The following FAT3 variants were observed in gnomAD, a reference collection of about 807,000 sequenced individuals.
FAT3 encodes protocadherin Fat 3.
A neutral mutation model predicts 310.2 loss-of-function variants in FAT3; 95 were observed. The observed-to-expected ratio is 0.31, with a 90% CI of 0.26 to 0.36. The LOEUF is 0.36. FAT3 is among the 10% of genes least tolerant of loss of function. FAT3 has a pLI of 1.00. For synonymous variants in FAT3, 2,314 were observed against 2,192.9 expected (o/e 1.06, Z -1.54); for missense variants, 5,408 against 5,715.6 (o/e 0.95, Z 1.74).
At chr11:92,561,888 A>C (rs1157204513) in intron 3 of FAT3, among the ~76,000 whole-genome samples, 1 of 152,090 alleles carries the variant, frequency 6.6e-6, no homozygotes, top group Non-Finnish European at 1.5e-5. Context: ...AGCCTCCCAA[A>C]GTGCTGGGAT....
intron 2 of FAT3, among the ~76,000 whole-genome samples, chr11:92,367,945 G>A (rs1565262822): frequency 6.6e-6 from 1 of 152,204 alleles, no homozygotes; most frequent in Non-Finnish European, 1.5e-5. Context: ...TATTGCGAAT[G>A]CCTGCTTTGA....
At chr11:92,358,074 G>A (rs2134660786) in intron 2 of FAT3, among the ~76,000 whole-genome samples, 1 of 151,988 alleles carries the variant, frequency 6.6e-6, no homozygotes, top group African/African-American at 2.4e-5. Context: ...TCAGGAAGCT[G>A]AGGCAGGAAG....
Position 92,724,475 on chromosome 11 carries a change from T to C in FAT3, c.3669+27030T>C, listed in dbSNP as rs557740693. Reference sequence around the variant, plus strand: ...TGATAGGAGGAGCTGCAAGATTTGATGGATATTTTTAGAGTCAATTTCATA... The same window carrying C: ...TGATAGGAGGAGCTGCAAGATTTGACGGATATTTTTAGAGTCAATTTCATA... On this transcript the variant is annotated intron_variant, in intron 4 of 27. Coordinates refer to ENST00000525166, the MANE Select transcript of FAT3 (RefSeq NM_001367949.2). 7.2e-4 allele frequency among the ~76,000 whole-genome samples: 109 copies of C among 152,330 alleles called. 1 individual carries two copies. The highest frequency in any genetic ancestry group is 1.0e-3 in the Non-Finnish European group (70 of 68,020).
Position 92,632,752 on chromosome 11 carries a change from TG to T in FAT3, c.3608-64630del, listed in dbSNP as rs537719049. Among the ~76,000 whole-genome samples the T allele has an allele frequency of 3.9e-5, 6 of 152,324 alleles. No homozygotes were observed. In the East Asian group the frequency reaches 9.7e-4, roughly 25 times the overall value. ...ATGGCAGGAGGCAGAGAGGCATTGATGGAATTCCACCTTCTGGCTAGTAAAT... is the reference window on the plus strand; with the variant it reads ...ATGGCAGGAGGCAGAGAGGCATTGATGAATTCCACCTTCTGGCTAGTAAAT... On this transcript the variant is annotated intron_variant, in intron 3 of 27. Transcript: ENST00000525166.
chr11:92,781,131 G>A (rs1193936937), intron 7 of FAT3, among the ~76,000 whole-genome samples: 1 of 134,080 alleles, frequency 7.5e-6, no homozygotes, highest in Non-Finnish European at 1.5e-5. Flanking sequence ...CTGGAGTACA[G>A]TGGCACAATC....
chr11:92,567,951 C>A (rs941103433), intron 3 of FAT3, among the ~76,000 whole-genome samples: 15 of 151,972 alleles, frequency 9.9e-5, no homozygotes, highest in African/African-American at 3.6e-4. Flanking sequence ...AGATGATGAG[C>A]TAGTGGGTGC....
At chr11:92,480,855 T>C (rs1238783161) in intron 2 of FAT3, among the ~76,000 whole-genome samples, 8 of 152,180 alleles carry the variant, frequency 5.3e-5, no homozygotes, top group African/African-American at 1.9e-4. Context: ...GAAGTTATGA[T>C]TTCATGAATG....
At chr11:92,497,803 C>T (rs1952809289) in intron 2 of FAT3, among the ~76,000 whole-genome samples, 1 of 151,950 alleles carries the variant, frequency 6.6e-6, no homozygotes, top group Non-Finnish European at 1.5e-5. Context: ...TCTCTACAGC[C>T]CAGCAATTAG....
intron 1 of FAT3, among the ~76,000 whole-genome samples, chr11:92,267,176 T>C (rs1945986147): frequency 6.6e-6 from 1 of 152,294 alleles, no homozygotes; most frequent in East Asian, 1.9e-4. Flanking sequence ...GACTTTATCA[T>C]GTTCTTTATT....
intron 1 of FAT3, among the ~76,000 whole-genome samples, chr11:92,238,081 G>C (rs1045542036): frequency 6.6e-6 from 1 of 152,020 alleles, no homozygotes; most frequent in Non-Finnish European, 1.5e-5. Flanking sequence ...GGCAGGGTTG[G>C]GATTTGAATC....
At chr11:92,431,148 T>G (rs1950762651) in intron 2 of FAT3, among the ~76,000 whole-genome samples, 1 of 152,228 alleles carries the variant, frequency 6.6e-6, no homozygotes, top group East Asian at 1.9e-4. Flanking sequence ...GTGTTCCTAT[T>G]TCTCCACATC....
At chr11:92,313,131 A>G (rs748716531) in intron 1 of FAT3, among the ~76,000 whole-genome samples, 32 of 152,220 alleles carry the variant, frequency 2.1e-4, no homozygotes, top group Non-Finnish European at 3.7e-4. Flanking sequence ...AGCAATTGAT[A>G]TATTCAAGAC....
chr11:92,495,502 G>C (rs998118108), intron 2 of FAT3, among the ~76,000 whole-genome samples: 1 of 152,074 alleles, frequency 6.6e-6, no homozygotes, highest in Non-Finnish European at 1.5e-5. Flanking sequence ...TAGCTTAGGA[G>C]CACATTATCT....
chr11:92,684,341 C>G (rs1434374889), intron 3 of FAT3, among the ~76,000 whole-genome samples: 1 of 152,106 alleles, frequency 6.6e-6, no homozygotes, highest in East Asian at 1.9e-4. Context: ...GAATGGAGAT[C>G]AATCTTGGGA....
At chr11:92,843,892 G>A in intron 18 of FAT3, 42 bp from the exon 19 acceptor site, 1 of 1,534,728 alleles carries the variant, frequency 6.5e-7, no homozygotes, top group Non-Finnish European at 8.8e-7. Flanking sequence ...ACTATGATTA[G>A]TTTTCTTCCT....
At position 92,683,038 on chromosome 11, in the gene FAT3, A is replaced by G. The variant is rs539642685; in HGVS notation, c.3608-14346A>G. On this transcript the variant is annotated intron_variant, in intron 3 of 27. Transcript: ENST00000525166. ...GGTTGCAGTGAGCTGAGATCATGCC[A>G]TTGTACTCCAGCCTGGGTGACACAG... is the stretch of plus-strand genomic sequence containing the variant. Among the ~76,000 whole-genome samples, 6 of 144,512 alleles carry G rather than the reference A, an allele frequency of 4.2e-5. No homozygotes were observed. In the East Asian group the frequency reaches 8.0e-4, roughly 19 times the overall value. The allele number at this position is 144,512 out of a possible 152,430, so 94.8% of individuals were successfully genotyped here. A position where few individuals can be genotyped will look rare whatever the true frequency, so the allele number is the denominator to read the frequency against.
chr11:92,319,318 A>C (rs768394688), intron 1 of FAT3, among the ~76,000 whole-genome samples: 1 of 152,158 alleles, frequency 6.6e-6, no homozygotes, highest in Non-Finnish European at 1.5e-5. Flanking sequence ...CAAGCAGTGG[A>C]CAATATGTGT....
In FAT3 at chr11:92,755,552, C is replaced by CA. The variant is rs1276985358; in HGVS notation, c.3670-6297dup. On this transcript the variant is annotated intron_variant, in intron 4 of 27. Coordinates refer to ENST00000525166, the MANE Select transcript of FAT3 (RefSeq NM_001367949.2). ...GAGTAGATTTTAAGTCTTCTCACCA[C>CA]AAAAAAAGTTACATGAGGTAATATA... 3.9e-5 allele frequency among the ~76,000 whole-genome samples: 6 copies of CA among 152,066 alleles called. No homozygotes were observed. In the South Asian group the frequency reaches 8.3e-4, roughly 21 times the overall value.
intron 2 of FAT3, among the ~76,000 whole-genome samples, chr11:92,509,618 A>G (rs1223865313): frequency 6.6e-6 from 1 of 152,188 alleles, no homozygotes; most frequent in Non-Finnish European, 1.5e-5. Flanking sequence ...TTAGTGTGTT[A>G]TTGGACTAGT....
Sources: gnomAD v4.1 joint callset for allele counts (sites outside exome capture counted in the v4.1 genomes callset) on GRCh38, gnomAD v4.1.1 for gene constraint, MANE v1.5 for transcripts, NCBI Gene and HGNC (gene_info 2026-07-23, HGNC 2026-07-21) for gene names.